The following RAB28 variants were observed in gnomAD, a reference collection of about 807,000 sequenced individuals.
RAB28 encodes ras-related protein Rab-28.
In RAB28, 24 loss-of-function variants were observed where a neutral mutation model predicts 31.7. The ratio of observed to expected loss-of-function variants is 0.76; its 90% CI spans 0.55 to 1.06. The LOEUF is 1.06. Ranked by LOEUF, RAB28 falls within the 50% of genes least tolerant of loss-of-function variation. RAB28 has a pLI of 0.00. For synonymous variants in RAB28, 100 were observed against 90.4 expected (o/e 1.11, Z -0.60); for missense variants, 254 against 258.5 (o/e 0.98, Z 0.12).
chr4:13,392,354 AAAT>A (rs1729676338), intron 4 of RAB28, among the ~76,000 whole-genome samples: 3 of 152,194 alleles, frequency 2.0e-5, no homozygotes, highest in African/African-American at 7.2e-5. Context: ...CCTAACAGTA[AAAT>A]TTTTTCATAT....
rs575308101 is a variant in RAB28 at position 13,453,792 on chromosome 4, G to A, written c.391+6907C>T. 2.0e-5 allele frequency among the ~76,000 whole-genome samples: 3 copies of A among 152,248 alleles called. No individual in the cohort carries two copies. The South Asian group carries it at 6.2e-4, about 32-fold the overall frequency. On this transcript the variant is annotated intron_variant, in intron 4 of 6. Coordinates refer to ENST00000330852, the MANE Select transcript of RAB28 (RefSeq NM_001017979.3). ...TGACTTTTGACAATTTGGCTATAAT[G>A]TGCCTTGAAGAGGACCTCTTTGGGT...
At chr4:13,447,025 A>G (rs1714736429) in intron 4 of RAB28, among the ~76,000 whole-genome samples, 1 of 152,162 alleles carries the variant, frequency 6.6e-6, no homozygotes, top group Non-Finnish European at 1.5e-5. Flanking sequence ...TCTTGGCATT[A>G]CGTTGCTTCT....
chr4:13,433,498 C>T (rs1713931039), intron 4 of RAB28, among the ~76,000 whole-genome samples: 1 of 152,050 alleles, frequency 6.6e-6, no homozygotes. Context: ...AAAAAGTAGG[C>T]AAAGCACATG....
intron 4 of RAB28, among the ~76,000 whole-genome samples, chr4:13,437,849 A>G (rs1488937995): frequency 3.9e-5 from 6 of 152,200 alleles, no homozygotes; most frequent in African/African-American, 1.2e-4. Flanking sequence ...ACTACTGACT[A>G]TCTACACAAA....
intron 4 of RAB28, among the ~76,000 whole-genome samples, chr4:13,419,321 G>A (rs888122491): frequency 1.3e-5 from 2 of 152,134 alleles, no homozygotes; most frequent in Admixed American, 1.3e-4. Context: ...ACACCCCACT[G>A]TCAATATTAG....
intron 4 of RAB28, among the ~76,000 whole-genome samples, chr4:13,394,525 T>A (rs1729786929): frequency 6.6e-6 from 1 of 151,998 alleles, no homozygotes. Context: ...ACAGTAGCAG[T>A]CCATGGCCCA....
At chr4:13,403,655 C>A (rs1167883997) in intron 4 of RAB28, among the ~76,000 whole-genome samples, 2 of 152,106 alleles carry the variant, frequency 1.3e-5, no homozygotes, top group Non-Finnish European at 2.9e-5. Flanking sequence ...CTTCCTTGCC[C>A]ACTGCTTCCT....
In RAB28 at chr4:13,367,967, C is replaced by A. The variant is rs1728571516; in HGVS notation, c.*591G>T. The A allele has an allele frequency of 1.0e-6, 1 of 972,154 alleles. No homozygotes were observed. The highest frequency in any genetic ancestry group is 6.2e-5 in the Admixed American group (1 of 16,226). The allele number at this position is 972,154 out of a possible 1,614,324, so 60.2% of individuals were successfully genotyped here. A position where few individuals can be genotyped will look rare whatever the true frequency, so the allele number is the denominator to read the frequency against. ...CAAATATTACTTTGTGAGTTACAAA[C>A]TACAATATAAACAATTTAGGCCCTT... On this transcript the variant is annotated 3_prime_UTR_variant, in exon 7 of 7. Coordinates refer to ENST00000330852, the MANE Select transcript of RAB28 (RefSeq NM_001017979.3).
intron 4 of RAB28, among the ~76,000 whole-genome samples, chr4:13,435,220 G>T (rs867995822): frequency 4.0e-5 from 6 of 151,568 alleles, no homozygotes; most frequent in Middle Eastern, 6.8e-3. Context: ...CTGGGATACA[G>T]CAAAAGTAGT....
chr4:13,389,202 G>A (rs1729518248), intron 4 of RAB28, among the ~76,000 whole-genome samples: 1 of 152,100 alleles, frequency 6.6e-6, no homozygotes, highest in Non-Finnish European at 1.5e-5. Flanking sequence ...AAATAAGCAA[G>A]TCACCAAATG....
rs1387722259 is a variant in RAB28, at chr4:13,484,297, A to G, written c.-147T>C. On this transcript the variant is annotated 5_prime_UTR_variant, in exon 1 of 7. Coordinates refer to ENST00000330852, the MANE Select transcript of RAB28 (RefSeq NM_001017979.3). ...GCGCCGGCAGGAGGTATTCGAGGAG[A>G]ATCACTCGGCAAGCGCCATCTTGCC... 6.2e-6 allele frequency: 4 copies of G among 648,536 alleles called. No homozygotes were observed. In the African/African-American group the frequency reaches 7.2e-5, roughly 12 times the overall value. The allele number at this position is 648,536 out of a possible 1,614,324, so 40.2% of individuals were successfully genotyped here.
intron 4 of RAB28, among the ~76,000 whole-genome samples, chr4:13,432,840 C>T (rs1713884923): frequency 6.6e-6 from 1 of 152,052 alleles, no homozygotes; most frequent in Non-Finnish European, 1.5e-5. Context: ...AGCTCAAAGA[C>T]ACTTTAGAGC....
chr4:13,372,334 G>T (rs1231676184), intron 6 of RAB28, among the ~76,000 whole-genome samples: 1 of 152,044 alleles, frequency 6.6e-6, no homozygotes, highest in Non-Finnish European at 1.5e-5. Context: ...TTTGCACAGA[G>T]TGGGAGTTTT....
chr4:13,465,885 C>G (rs1044247439), intron 3 of RAB28, among the ~76,000 whole-genome samples: 6 of 151,600 alleles, frequency 4.0e-5, no homozygotes, highest in African/African-American at 1.5e-4. Context: ...CATTAACCAA[C>G]AGAACATAAT....
chr4:13,484,192 A>G lies in RAB28; in HGVS notation c.-42T>C, dbSNP rs775406044. The stretch of plus-strand genomic sequence containing the variant: ...GGCCCGCCCCTCGAGGTGGGGGGGG[A>G]AGGGAAGGATGAAGGCTCCGGGGGC... On this transcript the variant is annotated 5_prime_UTR_variant, in exon 1 of 7. Transcript: ENST00000330852. 4.0e-6 allele frequency: 6 copies of G among 1,503,370 alleles called. No homozygotes were observed. Among genetic ancestry groups the G allele is most frequent in the Non-Finnish European group, 5.4e-6 (6 of 1,103,284 alleles). The allele number at this position is 1,503,370 out of a possible 1,614,324, so 93.1% of individuals were successfully genotyped here. A position where few individuals can be genotyped will look rare whatever the true frequency, so the allele number is the denominator to read the frequency against.
At chr4:13,474,863 A>T (rs1716278479) in intron 2 of RAB28, among the ~76,000 whole-genome samples, 1 of 151,586 alleles carries the variant, frequency 6.6e-6, no homozygotes, top group East Asian at 1.9e-4. Flanking sequence ...AATAATAGCA[A>T]ACTACAAAAA....
intron 5 of RAB28, among the ~76,000 whole-genome samples, chr4:13,379,773 A>G (rs1729057692): frequency 6.6e-6 from 1 of 152,124 alleles, no homozygotes; most frequent in Non-Finnish European, 1.5e-5. Context: ...GGATACTGAA[A>G]TCACTAAGAA....
intron 4 of RAB28, among the ~76,000 whole-genome samples, chr4:13,453,897 A>G (rs1425408921): frequency 6.6e-6 from 1 of 152,154 alleles, no homozygotes; most frequent in East Asian, 1.9e-4. Flanking sequence ...TTTGGCTATT[A>G]GTTCAATAAA....
chr4:13,471,267 TAA>T (rs915588791), intron 3 of RAB28, among the ~76,000 whole-genome samples: 2 of 152,194 alleles, frequency 1.3e-5, no homozygotes, highest in African/African-American at 4.8e-5. Context: ...TATGATTATA[TAA>T]AGATATTGAG....
Sources: gnomAD v4.1 joint callset for allele counts (sites outside exome capture counted in the v4.1 genomes callset) on GRCh38, gnomAD v4.1.1 for gene constraint, MANE v1.5 for transcripts, NCBI Gene and HGNC (gene_info 2026-07-23, HGNC 2026-07-21) for gene names.